ZNF273: variants seen among roughly 807,000 people sequenced by gnomAD.
ZNF273 encodes zinc finger protein 273.
A neutral mutation model predicts 14.9 loss-of-function variants in ZNF273; 11 were observed. That is an observed-to-expected ratio of 0.74 (90% CI 0.46 to 1.22). The LOEUF is 1.22. ZNF273 is among the 50% of genes most tolerant of loss of function. The probability of loss-of-function intolerance (pLI) is 0.00; values close to 1 mark genes in which losing one functional copy is unlikely to be tolerated. For missense variants in ZNF273, 577 were observed against 660.6 expected (o/e 0.87, Z 1.39); for synonymous variants, 199 against 223.9 (o/e 0.89, Z 0.99).
rs1794563465 is a variant in ZNF273, at chr7:64,922,781, A to G, written c.325+4489A>G. Among the ~76,000 whole-genome samples, 4 of 148,454 alleles carry G rather than the reference A, an allele frequency of 2.7e-5. No homozygotes were observed. In the South Asian group the frequency reaches 9.6e-4, roughly 36 times the overall value. On this transcript the variant is annotated intron_variant, in intron 3 of 3. Transcript: ENST00000476120. ...GGGGTTTGAGGCCAGCCTGGCCAAC[A>G]TGGTGAAACCCTGTCTCTACTAAAA...
intron 1 of ZNF273, among the ~76,000 whole-genome samples, chr7:64,886,055 GT>G (rs1791557187): frequency 7.3e-6 from 1 of 137,800 alleles, no homozygotes; most frequent in South Asian, 2.5e-4. Flanking sequence ...GCAGGCTTAG[GT>G]GGGGGAAACC....
chr7:64,927,619 G>T, intron 3 of ZNF273, 35 bp from the exon 4 acceptor site: 1 of 1,512,954 alleles, frequency 6.6e-7, no homozygotes, highest in Non-Finnish European at 8.9e-7. Flanking sequence ...TCTGAGTCTA[G>T]TAAGTGGGGT....
upstream of ZNF273, among the ~76,000 whole-genome samples, chr7:64,900,398 G>T (rs1307782059): frequency 6.6e-6 from 1 of 152,190 alleles, no homozygotes; most frequent in African/African-American, 2.4e-5. Flanking sequence ...AATGCAAGTG[G>T]TACAGGAGAT....
At position 64,930,411 on chromosome 7, in the gene ZNF273, A is replaced by G. The variant is rs1161428043; in HGVS notation, c.*1373A>G. The G allele has an allele frequency of 6.6e-6, 1 of 152,136 alleles. No individual in the cohort carries two copies. The highest frequency in any genetic ancestry group is 1.5e-5 in the Non-Finnish European group (1 of 68,016). The allele number at this position is 152,136 out of a possible 1,614,324, so 9.4% of individuals were successfully genotyped here. ...AGTAATATTCTGCATTATAGTGAAA[A>G]ATTTTTAATATTAAAATTCAATTAT... On this transcript the variant is annotated 3_prime_UTR_variant, in exon 4 of 4. Transcript: ENST00000476120.
At position 64,914,898 on chromosome 7, in the gene ZNF273, AAGG is replaced by A. The variant is rs140007183; in HGVS notation, c.103-2677_103-2675del. Among the ~76,000 whole-genome samples, 1,327 of 148,060 alleles carry A rather than the reference AAGG, an allele frequency of 9.0e-3. 14 individuals are homozygous for A. Among genetic ancestry groups the A allele is most frequent in the African/African-American group, 0.031 (1,256 of 40,308 alleles). On this transcript the variant is annotated intron_variant, in intron 1 of 3. Transcript: ENST00000476120. ...TCTCATCTGAGAAGGAATCCCAGAG[AAGG>A]AGGAGAAAAGGGGAAAAAATGGCCT...
At chr7:64,887,825 G>A (rs985946073) in intron 1 of ZNF273, among the ~76,000 whole-genome samples, 20 of 150,344 alleles carry the variant, frequency 1.3e-4, no homozygotes, top group African/African-American at 4.4e-4. Context: ...TAATAGTTCA[G>A]GGCTCTGACT....
At chr7:64,914,925 CTT>C (rs35818236) in intron 1 of ZNF273, among the ~76,000 whole-genome samples, 14 of 133,338 alleles carry the variant, frequency 1.0e-4, no homozygotes, top group Non-Finnish European at 9.3e-5. Flanking sequence ...AAAAAATGGC[CTT>C]TTTTTTTTTT....
chr7:64,931,425 T>C (rs577019708), downstream of ZNF273, among the ~76,000 whole-genome samples: 25 of 152,294 alleles, frequency 1.6e-4, no homozygotes, highest in South Asian at 5.2e-3. Flanking sequence ...TGAAGTATTA[T>C]ATGAGCTGGT....
At chr7:64,923,528 G>A (rs1433992127) in intron 3 of ZNF273, 3 of 361,680 alleles carry the variant, frequency 8.3e-6, no homozygotes, top group Admixed American at 3.9e-5. Flanking sequence ...TTTTAGTAGA[G>A]TGAGGGTTTC....
intron 3 of ZNF273, among the ~76,000 whole-genome samples, chr7:64,919,341 T>C (rs1179464775): frequency 3.9e-5 from 6 of 152,130 alleles, no homozygotes; most frequent in Admixed American, 2.0e-4. Context: ...CTTAATTTTC[T>C]TCATTGTAAA....
At chr7:64,880,924 T>C (rs1340523805), downstream of ZNF273, among the ~76,000 whole-genome samples, 1 of 152,118 alleles carries the variant, frequency 6.6e-6, no homozygotes, top group Non-Finnish European at 1.5e-5. Flanking sequence ...CACTCCTCCA[T>C]CGTCTCGGGA....
At chr7:64,903,468 G>C in intron 1 of ZNF273, 49 bp downstream of exon 1, 1 of 1,539,550 alleles carries the variant, frequency 6.5e-7, no homozygotes, top group Non-Finnish European at 9.0e-7. Context: ...GGCCTGGTTG[G>C]AACTGGTGGG....
At chr7:64,897,253 G>A (rs536379540) in intron 3 of ZNF273, 1 of 152,296 alleles carries the variant, frequency 6.6e-6, no homozygotes, top group South Asian at 2.1e-4. Flanking sequence ...CAGTTTCCTG[G>A]TAGAACAACC....
rs1454026014 is a variant in ZNF273 at position 64,928,644 on chromosome 7, T to G, written c.1316T>G (p.Phe439Cys). Reference sequence around the variant, plus strand: ...AAATGTGAAGAATGTGGAAAAGCCTTTAGTGTATTCTCAACCCTTACTAAA... The same window carrying G: ...AAATGTGAAGAATGTGGAAAAGCCTGTAGTGTATTCTCAACCCTTACTAAA... ...PYKCEECGKA[F>C]SVFSTLTKHK... Residue 439 changes from phenylalanine to cysteine, a missense_variant, in exon 4 of 4, where the codon TTT becomes TGT. Phe to Cys is a radical substitution (Grantham distance 205). This residue lies in a region of ZNF273 where 411 missense variants were observed against 440.4 expected (regional missense o/e 0.93). Transcript: ENST00000476120. The G allele has an allele frequency of 1.2e-6, 2 of 1,613,546 alleles. No individual in the cohort carries two copies. The highest frequency in any genetic ancestry group is 2.2e-5 in the South Asian group (2 of 91,034).
chr7:64,886,797 A>G (rs1168122585), intron 1 of ZNF273, among the ~76,000 whole-genome samples: 1 of 152,230 alleles, frequency 6.6e-6, no homozygotes, highest in African/African-American at 2.4e-5. Context: ...CTTTCCATCA[A>G]AACAGTAATT....
At position 64,918,310 on chromosome 7, in the gene ZNF273, C is replaced by G. The variant is rs763290659; in HGVS notation, c.325+18C>G. 6.5e-7 allele frequency: 1 copy of G among 1,532,928 alleles called. No homozygotes were observed. Among genetic ancestry groups the G allele is most frequent in the South Asian group, 1.1e-5 (1 of 88,316 alleles). The allele number at this position is 1,532,928 out of a possible 1,614,324, so 95.0% of individuals were successfully genotyped here. Reference sequence around the variant, plus strand: ...ACCCCCAGGTAGGTGAGAGTGATAGCGAATATAACAGATGACACAGATGAC... The same window carrying G: ...ACCCCCAGGTAGGTGAGAGTGATAGGGAATATAACAGATGACACAGATGAC... On this transcript the variant is annotated intron_variant, in intron 3 of 3. Coordinates refer to ENST00000476120, the MANE Select transcript of ZNF273 (RefSeq NM_021148.3).
chr7:64,902,727 G>T (rs1792808900), upstream of ZNF273, among the ~76,000 whole-genome samples: 1 of 151,734 alleles, frequency 6.6e-6, no homozygotes, highest in African/African-American at 2.4e-5. Flanking sequence ...GAGAGAGAAA[G>T]AAAAAGAAAG....
downstream of ZNF273, chr7:64,893,547 G>C (rs1792164140): frequency 6.6e-6 from 1 of 152,298 alleles, no homozygotes; most frequent in Non-Finnish European, 1.5e-5. Context: ...ATGGCATCTT[G>C]AGGGCCGGTA....
intron 3 of ZNF273, among the ~76,000 whole-genome samples, chr7:64,927,114 CAG>C (rs1051847094): frequency 2.6e-5 from 4 of 152,040 alleles, no homozygotes; most frequent in Admixed American, 1.3e-4. Context: ...TTTTTTGAGA[CAG>C]AGTCTCACTC....
Sources: gnomAD v4.1 joint callset for allele counts (sites outside exome capture counted in the v4.1 genomes callset) on GRCh38, gnomAD v4.1.1 for gene constraint, gnomAD v4.1.1 regional missense constraint, MANE v1.5 for transcripts, NCBI Gene and HGNC (gene_info 2026-07-23, HGNC 2026-07-21) for gene names.